Variants in SMPDL3A observed in about 807,000 individuals in gnomAD.
SMPDL3A encodes sphingomyelin phosphodiesterase acid like 3A, also known as cyclic GMP-AMP phosphodiesterase SMPDL3A.
A neutral mutation model predicts 38.5 loss-of-function variants in SMPDL3A; 39 were observed. The observed-to-expected ratio is 1.01, with a 90% CI of 0.78 to 1.32. The LOEUF (loss-of-function observed/expected upper bound fraction) is 1.32. Ranked by LOEUF, SMPDL3A falls within the 40% of genes most tolerant of loss-of-function variation. SMPDL3A has a pLI of 0.00. For missense variants in SMPDL3A, 502 were observed against 536.2 expected, an observed-to-expected ratio of 0.94 and a Z score of 0.63; for synonymous variants, 180 against 194.3, an observed-to-expected ratio of 0.93 and a Z score of 0.61.
At chr6:122,808,609 C>CCTTCCTTCCTTCCTTCCTTCCTTCCTT (rs1562357722) in intron 7 of SMPDL3A, among the ~76,000 whole-genome samples, 8 of 44,372 alleles carry the variant, frequency 1.8e-4, no homozygotes, top group African/African-American at 5.3e-4. Flanking sequence ...CTCCCTCCCT[C>CCTTCCTTCCTTCCTTCCTTCCTTCCTT]CCTTCCTTCC....
At chr6:122,803,004 GAAAATT>G (rs985060032) in intron 4 of SMPDL3A, among the ~76,000 whole-genome samples, 16 of 152,186 alleles carry the variant, frequency 1.1e-4, no homozygotes, top group Non-Finnish European at 1.9e-4. Flanking sequence ...AAAGAATAGA[GAAAATT>G]AAAGGGGCAG....
Position 122,809,368 on chromosome 6 carries a change from C to G in SMPDL3A, c.1322C>G (p.Ala441Gly). The G allele has an allele frequency of 1.9e-6, 3 of 1,613,748 alleles. No homozygotes were observed. The change falls in exon 8 of 8, where the codon GCA becomes GGA. Residue 441 changes from alanine (A) to glycine (G), a missense_variant. Ala to Gly is a moderately conservative substitution (Grantham distance 60). Coordinates refer to ENST00000368440, the MANE Select transcript of SMPDL3A (RefSeq NM_006714.5). Reference sequence around the variant, plus strand: ...ATGAATCTTGATAATATTTCCTATGCAGATTGCCTCAAACAGCTTTATATA... The same window carrying G: ...ATGAATCTTGATAATATTTCCTATGGAGATTGCCTCAAACAGCTTTATATA... ...AIMNLDNISY[A>G]DCLKQLYIKH...
chr6:122,806,395 G>A (rs906072570), intron 7 of SMPDL3A, 38 bp downstream of exon 7: 2 of 1,566,436 alleles, frequency 1.3e-6, no homozygotes. Context: ...CCATATTTAT[G>A]CATATCTTTG....
chr6:122,807,081 TGGGG>T (rs112687449), intron 7 of SMPDL3A, among the ~76,000 whole-genome samples: 22 of 140,324 alleles, frequency 1.6e-4, no homozygotes, highest in East Asian at 4.4e-4. Flanking sequence ...ATTGTAGAGA[TGGGG>T]GGGGGGGGTC....
chr6:122,789,767 G>T, intron 1 of SMPDL3A: 1 of 906,672 alleles, frequency 1.1e-6, no homozygotes, highest in Non-Finnish European at 1.3e-6. Context: ...CTGCATCTCA[G>T]TTGTTTTGTT....
intron 7 of SMPDL3A, among the ~76,000 whole-genome samples, chr6:122,808,633 T>TCCTTCCTTCCTTCCTTCCTTCCTG (rs1781735089): frequency 1.3e-5 from 1 of 78,330 alleles, no homozygotes; most frequent in African/African-American, 5.5e-5. Flanking sequence ...CTTCCTTCCT[T>TCCTTCCTTCCTTCCTTCCTTCCTG]CCTTCCTTCC....
Position 122,809,092 on chromosome 6 carries a change from A to G in SMPDL3A, c.1046A>G (p.Asp349Gly). Residue 349 changes from aspartate (D) to glycine (G), a missense_variant and splice_region_variant, in exon 8 of 8, where the codon GAT becomes GGT. Asp to Gly is a moderately conservative substitution (Grantham distance 94). Coordinates refer to ENST00000368440, the MANE Select transcript of SMPDL3A (RefSeq NM_006714.5). Reference sequence around the variant, plus strand: ...TTTTGTTACTGTTCTTAACTGCAGGATATGTTGCAGTATTACTTGAATCTG... The same window carrying G: ...TTTTGTTACTGTTCTTAACTGCAGGGTATGTTGCAGTATTACTTGAATCTG... ...QYDPRDYKLL[D>G]MLQYYLNLTE... The G allele has an allele frequency of 6.2e-7, 1 of 1,612,816 alleles. No homozygotes were observed. Among genetic ancestry groups the G allele is most frequent in the South Asian group, 1.1e-5 (1 of 91,030 alleles).
At chr6:122,790,023 T>G in intron 1 of SMPDL3A, 3 of 201,352 alleles carry the variant, frequency 1.5e-5, no homozygotes, top group Non-Finnish European at 1.8e-5. Flanking sequence ...ACTCACCCCT[T>G]AGTCTACCGT....
chr6:122,807,082 G>A (rs1050264597), intron 7 of SMPDL3A, among the ~76,000 whole-genome samples: 304 of 29,526 alleles, frequency 0.01, 4 homozygotes, highest in African/African-American at 0.03. Flanking sequence ...TTGTAGAGAT[G>A]GGGGGGGGGG....
intron 1 of SMPDL3A, among the ~76,000 whole-genome samples, chr6:122,792,128 C>A (rs9490551): frequency 0.11 from 16,844 of 152,214 alleles, 1,385 homozygotes; most frequent in African/African-American, 0.23. Flanking sequence ...CACATAGGCA[C>A]ACAGTTTCGT....
rs1227379466 is a variant in SMPDL3A at position 122,806,335 on chromosome 6, A to G, written c.1022A>G (p.Asp341Gly). The change falls in exon 7 of 8, where the codon GAT becomes GGT. Residue 341 changes from aspartate (D) to glycine (G), a missense_variant. Coordinates refer to ENST00000368440, the MANE Select transcript of SMPDL3A (RefSeq NM_006714.5). ...CCTGGTATCAGACTGTTTCAGTATG[A>G]TCCTCGTGATTATAAATTATTGGTA... Reference protein sequence around the residue: ...NNPGIRLFQYDPRDYKLLDML... With the variant: ...NNPGIRLFQYGPRDYKLLDML... 5 of 1,609,400 alleles carry G rather than the reference A, an allele frequency of 3.1e-6. No individual in the cohort carries two copies. Among genetic ancestry groups the G allele is most frequent in the South Asian group, 1.1e-5 (1 of 90,286 alleles).
intron 7 of SMPDL3A, among the ~76,000 whole-genome samples, chr6:122,808,153 G>C (rs1393750468): frequency 1.3e-5 from 2 of 151,596 alleles, no homozygotes; most frequent in African/African-American, 4.8e-5. Context: ...TTTTGAAAAA[G>C]CCAAAAATGT....
intron 3 of SMPDL3A, among the ~76,000 whole-genome samples, chr6:122,797,536 G>A (rs1337259815): frequency 2.0e-5 from 3 of 152,108 alleles, no homozygotes; most frequent in Non-Finnish European, 2.9e-5. Context: ...AGATACCCCC[G>A]GCTCAACAGG....
chr6:122,802,619 C>G (rs568519309), intron 4 of SMPDL3A, among the ~76,000 whole-genome samples: 1 of 152,236 alleles, frequency 6.6e-6, no homozygotes, highest in South Asian at 2.1e-4. Context: ...TCTAAGGAGA[C>G]TCAGCATAAA....
rs760254626 is a variant in SMPDL3A at position 122,795,854 on chromosome 6, A to T, written c.290A>T (p.Asn97Ile). ...LILSAFDFIK[N>I]SGQEASFMIW... ...TTGTCAGCATTTGATTTTATTAAAA[A>T]TTCTGGACAAGAAGCATCTTTCATG... The change falls in exon 2 of 8, where the codon AAT becomes ATT. Residue 97 changes from asparagine (N) to isoleucine (I), a missense_variant. Physicochemically the swap from Asn to Ile is moderately radical, Grantham distance 149. Coordinates refer to ENST00000368440, the MANE Select transcript of SMPDL3A (RefSeq NM_006714.5). 6.2e-7 allele frequency: 1 copy of T among 1,613,930 alleles called. No homozygotes were observed.
chr6:122,802,506 T>C (rs2873438), intron 4 of SMPDL3A, among the ~76,000 whole-genome samples: 126,426 of 152,114 alleles, frequency 0.83, 53,248 homozygotes, highest in East Asian at 0.99. Context: ...CCGGCCTATG[T>C]CTAGTCTTAC....
At chr6:122,789,531 G>A in intron 1 of SMPDL3A, 73 bp downstream of exon 1, 1 of 1,312,100 alleles carries the variant, frequency 7.6e-7, no homozygotes, top group South Asian at 1.3e-5. Flanking sequence ...CACAGCAGGA[G>A]AAAGTGCGTG....
In SMPDL3A at chr6:122,795,820, C is replaced by A. The variant is rs1189070998; in HGVS notation, c.256C>A (p.Gln86Lys). ...AGATGTTCTGTGTGATTCTCCATAT[C>A]AACTTATTTTGTCAGCATTTGATTT... is the stretch of plus-strand genomic sequence containing the variant. ...FGDVLCDSPY[Q>K]LILSAFDFIK... The change falls in exon 2 of 8, where the codon CAA becomes AAA. Residue 86 changes from glutamine to lysine, a missense_variant. By Grantham distance (53) the Gln-to-Lys change is moderately conservative. Transcript: ENST00000368440. 1 of 1,614,074 alleles carries A rather than the reference C, an allele frequency of 6.2e-7. No individual in the cohort carries two copies. The highest frequency in any genetic ancestry group is 8.5e-7 in the Non-Finnish European group (1 of 1,179,980).
chr6:122,809,473 T>C lies in SMPDL3A; in HGVS notation c.*65T>C. The C allele has an allele frequency of 8.0e-7, 1 of 1,256,038 alleles. No individual in the cohort carries two copies. 77.8% of individuals were successfully genotyped at this position (1,256,038 alleles called of 1,614,324 possible). A position where few individuals can be genotyped will look rare whatever the true frequency, so the allele number is the denominator to read the frequency against. ...TTCTGAGATCAATTTGTGGGAATTTTACATAAATCTTTGTTAATTACTGAG... is the reference window on the plus strand; with the variant it reads ...TTCTGAGATCAATTTGTGGGAATTTCACATAAATCTTTGTTAATTACTGAG... On this transcript the variant is annotated 3_prime_UTR_variant, in exon 8 of 8. Coordinates refer to ENST00000368440, the MANE Select transcript of SMPDL3A (RefSeq NM_006714.5).
Sources: gnomAD v4.1 joint callset for allele counts (sites outside exome capture counted in the v4.1 genomes callset) on GRCh38, gnomAD v4.1.1 for gene constraint, MANE v1.5 for transcripts, NCBI Gene and HGNC (gene_info 2026-07-23, HGNC 2026-07-21) for gene names.